The following TBC1D15 variants were observed in gnomAD, a reference collection of about 807,000 sequenced individuals.
The protein encoded by TBC1D15 is GAP for RAB7.
A neutral mutation model predicts 95.4 loss-of-function variants in TBC1D15; 39 were observed. The observed-to-expected ratio is 0.41, with a 90% CI of 0.32 to 0.53. TBC1D15 has a LOEUF of 0.53. TBC1D15 is among the 20% of genes least tolerant of loss of function. The pLI, the probability that TBC1D15 is intolerant of heterozygous loss-of-function variation, is 0.29. For synonymous variants in TBC1D15, 258 were observed against 261.3 expected (o/e 0.99, Z 0.12); for missense variants, 733 against 794.3 (o/e 0.92, Z 0.93).
chr12:71,920,805 G>A lies in TBC1D15; in HGVS notation c.1674G>A (p.Gln558=), dbSNP rs1447280548. Residue 558 remains glutamine (Q), a synonymous_variant, in exon 15 of 17, where the codon CAG becomes CAA. Coordinates refer to ENST00000485960, the MANE Select transcript of TBC1D15 (RefSeq NM_001146213.3). ...GTGCTATTCTGGAATCAGAAAAGCA[G>A]CAAATAATGGAAAAGCATTATGGCT... ...LCCAILESEK[Q]QIMEKHYGFN... 3.7e-6 allele frequency: 6 copies of A among 1,612,074 alleles called. No individual in the cohort carries two copies. Among genetic ancestry groups the A allele is most frequent in the Non-Finnish European group, 5.1e-6 (6 of 1,179,214 alleles).
Position 71,913,810 on chromosome 12 carries a change from TTTC to T in TBC1D15, c.1301-13_1301-11del. On this transcript the variant is annotated splice_polypyrimidine_tract_variant and intron_variant, in intron 11 of 16. Transcript: ENST00000485960. ...AAACTTGGGTTTTCAGAGATGATTT[TTTC>T]TTTTCTTTTTAGGATATGTTCAAGG... 6.5e-7 allele frequency: 1 copy of T among 1,549,652 alleles called. No individual in the cohort carries two copies. The highest frequency in any genetic ancestry group is 1.2e-5 in the South Asian group (1 of 82,334).
intron 10 of TBC1D15, among the ~76,000 whole-genome samples, chr12:71,904,618 C>G (rs1201660482): frequency 6.6e-6 from 1 of 152,016 alleles, no homozygotes; most frequent in Non-Finnish European, 1.5e-5. Context: ...TTCTCATGCA[C>G]AAGAGGAGGG....
chr12:71,870,838 C>T (rs575053492), intron 1 of TBC1D15, among the ~76,000 whole-genome samples: 1 of 152,092 alleles, frequency 6.6e-6, no homozygotes, highest in East Asian at 1.9e-4. Context: ...ATAAGTGTTC[C>T]GTAAATGTTA....
intron 3 of TBC1D15, among the ~76,000 whole-genome samples, chr12:71,879,445 G>A (rs955569729): frequency 6.6e-6 from 1 of 152,010 alleles, no homozygotes; most frequent in Admixed American, 6.6e-5. Flanking sequence ...TCCCTTACCT[G>A]TCTCTGTTTA....
intron 1 of TBC1D15, chr12:71,854,427 A>C (rs774394574): frequency 9.2e-5 from 36 of 390,530 alleles, no homozygotes; most frequent in Non-Finnish European, 1.3e-4. Flanking sequence ...CTTCAATCGT[A>C]GGCTGAATGT....
chr12:71,896,208 G>T, intron 8 of TBC1D15, 133 bp downstream of exon 8: 1 of 767,156 alleles, frequency 1.3e-6, no homozygotes, highest in Non-Finnish European at 2.0e-6. Context: ...AAGTAGGGAG[G>T]AATGAACTCT....
intron 5 of TBC1D15, among the ~76,000 whole-genome samples, chr12:71,886,094 T>TTAG (rs1242058481): frequency 2.0e-5 from 3 of 152,156 alleles, no homozygotes; most frequent in African/African-American, 7.2e-5. Flanking sequence ...ATTGGAGTCT[T>TTAG]TAGAATTAGA....
intron 5 of TBC1D15, among the ~76,000 whole-genome samples, chr12:71,892,112 C>T (rs1461428269): frequency 6.6e-6 from 1 of 152,032 alleles, no homozygotes; most frequent in Non-Finnish European, 1.5e-5. Context: ...ATTATGACCC[C>T]TCAAAATATT....
At position 71,919,010 on chromosome 12, in the gene TBC1D15, G is replaced by A. The variant is rs187686248; in HGVS notation, c.1599+462G>A. On this transcript the variant is annotated intron_variant, in intron 14 of 16. Coordinates refer to ENST00000485960, the MANE Select transcript of TBC1D15 (RefSeq NM_001146213.3). ...CATAGGTAAATTGCATGTTGCTGAGGTTTGGTGTGTGAATGATTCCATCAC... is the reference window on the plus strand; with the variant it reads ...CATAGGTAAATTGCATGTTGCTGAGATTTGGTGTGTGAATGATTCCATCAC... 1.9e-4 allele frequency among the ~76,000 whole-genome samples: 29 copies of A among 152,202 alleles called. No individual in the cohort carries two copies. In the East Asian group the frequency reaches 5.2e-3, roughly 27 times the overall value.
intron 11 of TBC1D15, chr12:71,913,314 C>G (rs1902865136): frequency 1.3e-5 from 2 of 152,282 alleles, no homozygotes; most frequent in Admixed American, 1.3e-4. Context: ...CAGTTGAACC[C>G]AAAGTTCTTG....
intron 4 of TBC1D15, among the ~76,000 whole-genome samples, chr12:71,882,755 C>T (rs1352753724): frequency 6.6e-6 from 1 of 152,156 alleles, no homozygotes; most frequent in East Asian, 1.9e-4. Flanking sequence ...GCTAGCCACT[C>T]TTCTAGCACT....
chr12:71,889,845 T>C (rs1896903464), intron 5 of TBC1D15, among the ~76,000 whole-genome samples: 1 of 152,174 alleles, frequency 6.6e-6, no homozygotes, highest in African/African-American at 2.4e-5. Context: ...TTTGTGTCCA[T>C]GTGTTGTTTG....
rs183761831 is a variant in TBC1D15, at chr12:71,868,194, G to C, written c.31-3876G>C. ...ATGTATAATTTGTTCCTCAAAAAGG[G>C]CTGAAGAGTTGAGGAACACAGAATA... is the stretch of plus-strand genomic sequence containing the variant. On this transcript the variant is annotated intron_variant, in intron 1 of 16. Coordinates refer to ENST00000485960, the MANE Select transcript of TBC1D15 (RefSeq NM_001146213.3). 3.8e-3 allele frequency among the ~76,000 whole-genome samples: 581 copies of C among 151,790 alleles called. 1 individual carries two copies. The highest frequency in any genetic ancestry group is 7.0e-3 in the Admixed American group (107 of 15,264).
intron 1 of TBC1D15, among the ~76,000 whole-genome samples, chr12:71,866,479 T>A (rs927955100): frequency 6.6e-6 from 1 of 152,186 alleles, no homozygotes; most frequent in Non-Finnish European, 1.5e-5. Context: ...TCCTCCTGGT[T>A]CCCAGATGAT....
intron 1 of TBC1D15, chr12:71,854,678 A>G (rs1888621419): frequency 2.2e-6 from 1 of 455,968 alleles, no homozygotes; most frequent in Middle Eastern, 3.3e-4. Flanking sequence ...GTGGTTTTAT[A>G]CCAGTTTGTA....
At chr12:71,850,628 C>T (rs1424474140) in intron 1 of TBC1D15, among the ~76,000 whole-genome samples, 1 of 152,108 alleles carries the variant, frequency 6.6e-6, no homozygotes, top group Non-Finnish European at 1.5e-5. Flanking sequence ...CGAGGCTGGT[C>T]TTGAACTCCT....
chr12:71,849,649 G>T, intron 1 of TBC1D15: 1 of 571,458 alleles, frequency 1.7e-6, no homozygotes, highest in Admixed American at 2.4e-5. Context: ...TCAGCTAGTC[G>T]GTAGTAGTTT....
At chr12:71,920,879 T>C (rs2139115112) in intron 15 of TBC1D15, 32 bp downstream of exon 15, 3 of 1,504,812 alleles carry the variant, frequency 2.0e-6, no homozygotes, top group Non-Finnish European at 2.7e-6. Context: ...ATTTTAGTGT[T>C]CTGGCTTTTC....
intron 10 of TBC1D15, among the ~76,000 whole-genome samples, chr12:71,903,663 C>T (rs1899981845): frequency 6.6e-6 from 1 of 152,156 alleles, no homozygotes; most frequent in African/African-American, 2.4e-5. Context: ...TATACATATG[C>T]ACCATAGAAT....
Sources: allele counts gnomAD v4.1 joint callset (sites outside exome capture counted in the v4.1 genomes callset), GRCh38; gene constraint gnomAD v4.1.1; transcripts MANE v1.5; gene names NCBI Gene and HGNC (gene_info 2026-07-23, HGNC 2026-07-21).